The following RAD51B variants were observed in gnomAD, a reference collection of about 807,000 sequenced individuals.
RAD51B encodes RAD51 paralog B.
A neutral mutation model predicts 42.2 loss-of-function variants in RAD51B; 38 were observed. That is an observed-to-expected ratio of 0.90 (90% CI 0.70 to 1.18). The LOEUF (loss-of-function observed/expected upper bound fraction) is 1.18, where lower values mean the gene tolerates loss of function less well. Ranked by LOEUF, RAD51B falls within the 50% of genes most tolerant of loss-of-function variation. The probability of loss-of-function intolerance (pLI) is 0.00; values close to 1 mark genes in which losing one functional copy is unlikely to be tolerated. For missense variants in RAD51B, 373 were observed against 400.7 expected (o/e 0.93, Z 0.59); for synonymous variants, 154 against 145.2 (o/e 1.06, Z -0.43).
intron 9 of RAD51B, among the ~76,000 whole-genome samples, chr14:68,434,583 A>C (rs2085099697): frequency 6.6e-6 from 1 of 152,150 alleles, no homozygotes; most frequent in Non-Finnish European, 1.5e-5. Flanking sequence ...ATTTGCTAAG[A>C]CCATTGGAAA....
At chr14:67,871,316 C>G (rs142331065) in intron 5 of RAD51B, among the ~76,000 whole-genome samples, 66,886 of 150,856 alleles carry the variant, frequency 0.44, 16,470 homozygotes, top group African/African-American at 0.65. Flanking sequence ...CACCTCTATG[C>G]AAATAAACTA....
At chr14:68,489,370 G>A (rs183885343) in intron 10 of RAD51B, among the ~76,000 whole-genome samples, 127 of 152,194 alleles carry the variant, frequency 8.3e-4, no homozygotes, top group African/African-American at 2.9e-3. Context: ...GTGATCTCAG[G>A]CAATTATGCA....
chr14:68,517,631 A>G (rs1354278540), intron 10 of RAD51B, among the ~76,000 whole-genome samples: 1 of 152,202 alleles, frequency 6.6e-6, no homozygotes, highest in African/African-American at 2.4e-5. Flanking sequence ...TGCTACTTGT[A>G]GCATTTACAG....
chr14:68,482,119 T>C (rs1883226669), downstream of RAD51B, among the ~76,000 whole-genome samples: 2 of 51,490 alleles, frequency 3.9e-5, no homozygotes, highest in Non-Finnish European at 1.3e-4. Flanking sequence ...TTACTTTTAC[T>C]GAAAGTAATT....
chr14:68,091,932 C>G (rs2077106612), intron 7 of RAD51B, among the ~76,000 whole-genome samples: 1 of 152,120 alleles, frequency 6.6e-6, no homozygotes, highest in Non-Finnish European at 1.5e-5. Context: ...GCCAGTTTTC[C>G]CAGCACCATT....
intron 7 of RAD51B, among the ~76,000 whole-genome samples, chr14:68,024,862 T>C (rs749267099): frequency 2.0e-5 from 3 of 152,088 alleles, no homozygotes; most frequent in Non-Finnish European, 4.4e-5. Flanking sequence ...GCCTGATTGC[T>C]GTGGCTAGGA....
chr14:68,392,006 G>A (rs2083772494), intron 8 of RAD51B, among the ~76,000 whole-genome samples: 1 of 152,156 alleles, frequency 6.6e-6, no homozygotes, highest in South Asian at 2.1e-4. Flanking sequence ...GAGTAGCAAA[G>A]CATCATTTAG....
chr14:68,577,505 TA>T (rs374739046), intron 10 of RAD51B, among the ~76,000 whole-genome samples: 1,660 of 143,820 alleles, frequency 0.012, 10 homozygotes, highest in African/African-American at 0.025. Flanking sequence ...TGATTTTATG[TA>T]AAAAAAAAAA....
At chr14:67,838,311 C>T (rs1038205010) in intron 4 of RAD51B, among the ~76,000 whole-genome samples, 3 of 152,052 alleles carry the variant, frequency 2.0e-5, no homozygotes, top group African/African-American at 7.2e-5. Flanking sequence ...TGCACATACA[C>T]ACATGTGGAG....
At chr14:68,146,064 A>G (rs1016547073) in intron 7 of RAD51B, among the ~76,000 whole-genome samples, 1 of 152,094 alleles carries the variant, frequency 6.6e-6, no homozygotes, top group Non-Finnish European at 1.5e-5. Context: ...GTTAAAAGGA[A>G]TAAGGACTAC....
intron 7 of RAD51B, among the ~76,000 whole-genome samples, chr14:68,007,059 A>G (rs888667143): frequency 6.6e-6 from 1 of 151,852 alleles, no homozygotes; most frequent in African/African-American, 2.4e-5. Context: ...GCACCCTCTA[A>G]TCTATTAGTT....
chr14:68,243,573 C>T (rs1468126725), intron 7 of RAD51B, among the ~76,000 whole-genome samples: 1 of 152,096 alleles, frequency 6.6e-6, no homozygotes, highest in Non-Finnish European at 1.5e-5. Context: ...TATAGCTCTG[C>T]TGTGGGTATG....
intron 7 of RAD51B, among the ~76,000 whole-genome samples, chr14:68,078,040 A>G (rs935051556): frequency 1.3e-5 from 2 of 152,216 alleles, no homozygotes; most frequent in Non-Finnish European, 2.9e-5. Context: ...TGAGCTACCT[A>G]GTATTCTAGG....
intron 8 of RAD51B, among the ~76,000 whole-genome samples, chr14:68,377,665 A>G (rs1204553364): frequency 6.6e-6 from 1 of 152,228 alleles, no homozygotes; most frequent in African/African-American, 2.4e-5. Flanking sequence ...TGGAGCAGAT[A>G]GTGAACTCTG....
In RAD51B at chr14:67,833,644, T is replaced by A. The variant is rs559878497; in HGVS notation, c.199-1436T>A. 4.6e-5 allele frequency among the ~76,000 whole-genome samples: 7 copies of A among 152,308 alleles called. No individual in the cohort carries two copies. The South Asian group carries it at 1.5e-3, about 32-fold the overall frequency. On this transcript the variant is annotated intron_variant, in intron 3 of 10. Coordinates refer to ENST00000471583, the MANE Select transcript of RAD51B (RefSeq NM_133510.4). Reference sequence around the variant, plus strand: ...ACATCCAGGTGGGATGATGTGAGATTTCACCATGCTACTCAGACCTGTGTG... The same window carrying A: ...ACATCCAGGTGGGATGATGTGAGATATCACCATGCTACTCAGACCTGTGTG...
Position 67,999,341 on chromosome 14 carries a change from A to G in RAD51B, c.756+112137A>G, listed in dbSNP as rs1174698437. 2.0e-5 allele frequency among the ~76,000 whole-genome samples: 3 copies of G among 152,168 alleles called. No homozygotes were observed. In the East Asian group the frequency reaches 5.8e-4, roughly 29 times the overall value. ...ATAAATGCTGTACTAATTTCTTCAC[A>G]TGATTTCAGGCAGCACTAGAGTGCT... is the stretch of plus-strand genomic sequence containing the variant. On this transcript the variant is annotated intron_variant, in intron 7 of 10. Transcript: ENST00000471583.
At chr14:68,109,718 C>T (rs1342391384) in intron 7 of RAD51B, among the ~76,000 whole-genome samples, 1 of 151,972 alleles carries the variant, frequency 6.6e-6, no homozygotes, top group Non-Finnish European at 1.5e-5. Context: ...GGCATTCTTG[C>T]TAGTGATGGA....
At chr14:68,410,116 A>G (rs1566866532) in intron 8 of RAD51B, among the ~76,000 whole-genome samples, 1 of 152,152 alleles carries the variant, frequency 6.6e-6, no homozygotes, top group African/African-American at 2.4e-5. Context: ...TGTCCTATGC[A>G]TTATAAAATG....
At chr14:67,948,836 G>T (rs1287334115) in intron 7 of RAD51B, among the ~76,000 whole-genome samples, 1 of 149,004 alleles carries the variant, frequency 6.7e-6, no homozygotes, top group Non-Finnish European at 1.5e-5. Context: ...GGAGGCTGAG[G>T]CAGGAGAATG....
Sources: gnomAD v4.1 joint callset for allele counts (sites outside exome capture counted in the v4.1 genomes callset) on GRCh38, gnomAD v4.1.1 for gene constraint, MANE v1.5 for transcripts, NCBI Gene and HGNC (gene_info 2026-07-23, HGNC 2026-07-21) for gene names.